NIPSNAP2: variants seen among roughly 807,000 people sequenced by gnomAD.
The protein encoded by NIPSNAP2 is protein NipSnap homolog 2.
NIPSNAP2 carries 42 observed loss-of-function variants against 48.4 expected under a neutral mutation model. That is an observed-to-expected ratio of 0.87 (90% CI 0.68 to 1.12). The LOEUF is 1.12. Among genes scored for constraint, NIPSNAP2 ranks in the 50% most tolerant of loss-of-function variants. The pLI, the probability that NIPSNAP2 is intolerant of heterozygous loss-of-function variation, is 0.00. For missense variants in NIPSNAP2, 314 were observed against 347.3 expected (o/e 0.90, Z 0.76); for synonymous variants, 158 against 126.6 (o/e 1.25, Z -1.67).
intron 9 of NIPSNAP2, among the ~76,000 whole-genome samples, chr7:55,998,650 G>A (rs1395300364): frequency 1.3e-5 from 2 of 151,674 alleles, no homozygotes; most frequent in East Asian, 1.9e-4. Context: ...ACAGGCAGGC[G>A]CCACCACACC....
intron 7 of NIPSNAP2, among the ~76,000 whole-genome samples, chr7:55,993,778 T>A (rs1467352075): frequency 1.3e-5 from 2 of 152,094 alleles, no homozygotes; most frequent in Non-Finnish European, 2.9e-5. Context: ...AGTGGGAAAT[T>A]CTTAAAGTTT....
Position 55,986,863 on chromosome 7 carries a change from G to A in NIPSNAP2, c.617+1985G>A, listed in dbSNP as rs532186641. Among the ~76,000 whole-genome samples, 4 of 151,480 alleles carry A rather than the reference G, an allele frequency of 2.6e-5. No individual in the cohort carries two copies. The East Asian group carries it at 7.8e-4, about 30-fold the overall frequency. ...AATGGGTAAAGAATTTGAAAAGACA[G>A]CAGCTGGGTGTGGTGGCTCACACCC... On this transcript the variant is annotated intron_variant, in intron 7 of 9. Transcript: ENST00000322090.
In NIPSNAP2 at chr7:55,999,633, C is replaced by T. The variant is rs1245561106; in HGVS notation, c.*561C>T. 2 of 152,658 alleles carry T rather than the reference C, an allele frequency of 1.3e-5. No homozygotes were observed. Among genetic ancestry groups the T allele is most frequent in the Non-Finnish European group, 2.9e-5 (2 of 68,134 alleles). 9.5% of individuals were successfully genotyped at this position (152,658 alleles called of 1,614,324 possible). A position where few individuals can be genotyped will look rare whatever the true frequency, so the allele number is the denominator to read the frequency against. On this transcript the variant is annotated 3_prime_UTR_variant, in exon 10 of 10. Transcript: ENST00000322090. ...GTCCACATAGTAGACAATGGGTTTTCCAAGCTGGGCAAGGTACATTTAATC... is the reference window on the plus strand; with the variant it reads ...GTCCACATAGTAGACAATGGGTTTTTCAAGCTGGGCAAGGTACATTTAATC...
At chr7:55,991,119 A>G (rs1229252109) in intron 7 of NIPSNAP2, among the ~76,000 whole-genome samples, 3 of 152,056 alleles carry the variant, frequency 2.0e-5, no homozygotes, top group Non-Finnish European at 2.9e-5. Context: ...CGGTTATGAA[A>G]TTTCCTGCTG....
rs1018935220 is a variant in NIPSNAP2, at chr7:55,989,379, C to T, written c.617+4501C>T. On this transcript the variant is annotated intron_variant, in intron 7 of 9. Coordinates refer to ENST00000322090, the MANE Select transcript of NIPSNAP2 (RefSeq NM_001483.3). Reference sequence around the variant, plus strand: ...ATGGCTCACACCTCTAATTCCAACACTTCGGGCGGCTGAGGTGGGAGGATC... The same window carrying T: ...ATGGCTCACACCTCTAATTCCAACATTTCGGGCGGCTGAGGTGGGAGGATC... Among the ~76,000 whole-genome samples the T allele has an allele frequency of 1.1e-3, 175 of 152,208 alleles. 3 individuals carry two copies. The highest frequency in any genetic ancestry group is 4.3e-4 in the Non-Finnish European group (29 of 68,042).
chr7:55,985,639 T>C (rs1787312321), intron 7 of NIPSNAP2, among the ~76,000 whole-genome samples: 1 of 151,406 alleles, frequency 6.6e-6, no homozygotes, highest in South Asian at 2.1e-4. Context: ...CCCAGGTATT[T>C]GAGAGGCTGA....
intron 3 of NIPSNAP2, 51 bp downstream of exon 3, chr7:55,978,446 G>A (rs1232104793): frequency 2.0e-6 from 3 of 1,464,524 alleles, no homozygotes; most frequent in Admixed American, 3.9e-5. Flanking sequence ...GACTTTATTT[G>A]TTAGTTAATT....
chr7:55,972,434 CTTTT>C (rs562085477), intron 1 of NIPSNAP2, among the ~76,000 whole-genome samples: 3 of 136,680 alleles, frequency 2.2e-5, no homozygotes, highest in Admixed American at 7.4e-5. Context: ...TTTTCTTTTT[CTTTT>C]TTTTTTTTTT....
chr7:55,975,342 G>A (rs1787088621), intron 1 of NIPSNAP2, among the ~76,000 whole-genome samples: 1 of 152,084 alleles, frequency 6.6e-6, no homozygotes, highest in Non-Finnish European at 1.5e-5. Context: ...AACAGAGTAA[G>A]AGCCTGTCTC....
chr7:55,981,591 A>ATTCC, intron 4 of NIPSNAP2, 24 bp downstream of exon 4: 1 of 1,519,840 alleles, frequency 6.6e-7, no homozygotes, highest in Non-Finnish European at 9.1e-7. Context: ...TCTTTGGAAT[A>ATTCC]AACACTTCTT....
chr7:55,977,062 AT>A (rs944406829), intron 1 of NIPSNAP2, among the ~76,000 whole-genome samples: 40 of 149,946 alleles, frequency 2.7e-4, no homozygotes, highest in African/African-American at 9.8e-4. Context: ...CAGTTAAAAA[AT>A]TTTTGATTTT....
At chr7:55,991,858 C>A in intron 7 of NIPSNAP2, 1 of 252,678 alleles carries the variant, frequency 4.0e-6, no homozygotes, top group East Asian at 1.3e-4. Flanking sequence ...CTCGTCTGTA[C>A]AGGCTTCTGA....
chr7:55,976,854 C>G (rs754811406), intron 1 of NIPSNAP2, among the ~76,000 whole-genome samples: 39 of 152,198 alleles, frequency 2.6e-4, no homozygotes, highest in Non-Finnish European at 4.4e-4. Flanking sequence ...GCTATCGCAC[C>G]ACCACACACC....
chr7:55,967,397 C>A (rs978463918), intron 1 of NIPSNAP2, among the ~76,000 whole-genome samples: 1 of 152,218 alleles, frequency 6.6e-6, no homozygotes, highest in Non-Finnish European at 1.5e-5. Flanking sequence ...CTAGCTCAAC[C>A]CTCAGCAATA....
chr7:55,992,792 G>T (rs1787478017), intron 7 of NIPSNAP2, among the ~76,000 whole-genome samples: 1 of 152,156 alleles, frequency 6.6e-6, no homozygotes, highest in Non-Finnish European at 1.5e-5. Flanking sequence ...GGGCAGTGTG[G>T]TATGGATTTA....
At chr7:55,974,360 C>G (rs1787068565) in intron 1 of NIPSNAP2, among the ~76,000 whole-genome samples, 1 of 151,828 alleles carries the variant, frequency 6.6e-6, no homozygotes, top group Admixed American at 6.6e-5. Flanking sequence ...ATAGGAATTT[C>G]TATTATTGTA....
At chr7:55,991,608 T>G (rs565373466) in intron 7 of NIPSNAP2, among the ~76,000 whole-genome samples, 2 of 151,732 alleles carry the variant, frequency 1.3e-5, no homozygotes, top group Non-Finnish European at 1.5e-5. Flanking sequence ...ATTAGCCAAG[T>G]GTGGTGGTGC....
At chr7:55,969,962 G>A (rs568207212) in intron 1 of NIPSNAP2, among the ~76,000 whole-genome samples, 2 of 145,282 alleles carry the variant, frequency 1.4e-5, no homozygotes, top group African/African-American at 2.6e-5. Context: ...CAGCCTGGGC[G>A]ACGGAGCGAG....
chr7:55,969,799 T>C (rs375458878), intron 1 of NIPSNAP2, among the ~76,000 whole-genome samples: 119 of 151,982 alleles, frequency 7.8e-4, no homozygotes, highest in African/African-American at 1.4e-3. Context: ...CTGGCTAACA[T>C]GGTGAAACCC....
Sources: gnomAD v4.1 joint callset for allele counts (sites outside exome capture counted in the v4.1 genomes callset) on GRCh38, gnomAD v4.1.1 for gene constraint, MANE v1.5 for transcripts, NCBI Gene and HGNC (gene_info 2026-07-23, HGNC 2026-07-21) for gene names.